Variants in GLCCI1 observed in about 807,000 individuals in gnomAD.
The protein encoded by GLCCI1 is glucocorticoid-induced transcript 1 protein.
A neutral mutation model predicts 52.2 loss-of-function variants in GLCCI1; 24 were observed. The ratio of observed to expected loss-of-function variants is 0.46; its 90% CI spans 0.33 to 0.65. The LOEUF (loss-of-function observed/expected upper bound fraction) is 0.65. GLCCI1 is among the 30% of genes least tolerant of loss of function. GLCCI1 has a pLI of 0.02. For synonymous variants in GLCCI1, 310 were observed against 276.5 expected, an observed-to-expected ratio of 1.12 and a Z score of -1.20; for missense variants, 704 against 701.5, an observed-to-expected ratio of 1.00 and a Z score of -0.04.
chr7:7,980,790 ATT>A, intron 1 of GLCCI1: 1 of 693,272 alleles, frequency 1.4e-6, no homozygotes, highest in South Asian at 1.6e-5. Context: ...GACAGAAGGC[ATT>A]GACATAATTA....
rs35255634 is a variant in GLCCI1, at chr7:7,976,479, C to CAAAAAAAAAAAAAAAAAA, written c.457+6674_457+6691dup. Among the ~76,000 whole-genome samples, 39 of 24,662 alleles carry CAAAAAAAAAAAAAAAAAA rather than the reference C, an allele frequency of 1.6e-3. 1 individual carries two copies. Among genetic ancestry groups the CAAAAAAAAAAAAAAAAAA allele is most frequent in the African/African-American group, 3.6e-3 (18 of 5,018 alleles). The allele number at this position is 24,662 out of a possible 152,430, so 16.2% of individuals were successfully genotyped here. ...GGGCAACAAGAGTGAAACTCCATCTCAAAAAAAAAAAAAAAAAAAGGAAAG... is the reference window on the plus strand; with the variant it reads ...GGGCAACAAGAGTGAAACTCCATCTCAAAAAAAAAAAAAAAAAAAAAAAAAAAAAAAAAAAAAGGAAAG... On this transcript the variant is annotated intron_variant, in intron 1 of 7. Transcript: ENST00000223145.
intron 4 of GLCCI1, among the ~76,000 whole-genome samples, chr7:8,059,447 T>C (rs986871178): frequency 4.6e-5 from 7 of 152,214 alleles, no homozygotes; most frequent in Non-Finnish European, 1.0e-4. Context: ...TATTTCTTTC[T>C]TGTTGTATAA....
At chr7:8,085,148 G>T in intron 7 of GLCCI1, 131 bp downstream of exon 7, 1 of 966,782 alleles carries the variant, frequency 1.0e-6, no homozygotes, top group Non-Finnish European at 1.5e-6. Context: ...TATGTAAAGA[G>T]AATTGAATAG....
rs1194944905 is a variant in GLCCI1 at position 8,088,131 on chromosome 7, C to T, written c.*1593C>T. ...AACGTTTCAGTTCCTTTCATTCATT[C>T]CTGGGTTTTTCTTTTATTTTCTAAG... On this transcript the variant is annotated 3_prime_UTR_variant, in exon 8 of 8. Coordinates refer to ENST00000223145, the MANE Select transcript of GLCCI1 (RefSeq NM_138426.4). The T allele has an allele frequency of 6.6e-6, 1 of 151,942 alleles. No homozygotes were observed. The highest frequency in any genetic ancestry group is 2.4e-5 in the African/African-American group (1 of 41,352). 9.4% of individuals were successfully genotyped at this position (151,942 alleles called of 1,614,324 possible). A position where few individuals can be genotyped will look rare whatever the true frequency, so the allele number is the denominator to read the frequency against.
At chr7:8,057,266 T>A (rs1199833213) in intron 4 of GLCCI1, among the ~76,000 whole-genome samples, 1 of 152,042 alleles carries the variant, frequency 6.6e-6, no homozygotes, top group Non-Finnish European at 1.5e-5. Flanking sequence ...TCAGAGGCGT[T>A]ATTCATAATA....
rs1351063332 is a variant in GLCCI1 at position 8,073,264 on chromosome 7, TGTTA to T, written c.1177+2137_1177+2140del. On this transcript the variant is annotated intron_variant, in intron 6 of 7. Coordinates refer to ENST00000223145, the MANE Select transcript of GLCCI1 (RefSeq NM_138426.4). Reference sequence around the variant, plus strand: ...AAAAATAGTCACCTTTATTATCACCTGTTAGTTTCCCTAATCCTTTCAGGAAAAA... The same window carrying T: ...AAAAATAGTCACCTTTATTATCACCTGTTTCCCTAATCCTTTCAGGAAAAA... Among the ~76,000 whole-genome samples, 23 of 152,306 alleles carry T rather than the reference TGTTA, an allele frequency of 1.5e-4. No individual in the cohort carries two copies. In the East Asian group the frequency reaches 4.4e-3, roughly 29 times the overall value.
intron 3 of GLCCI1, among the ~76,000 whole-genome samples, chr7:8,046,040 A>G (rs1782117074): frequency 6.6e-6 from 1 of 152,166 alleles, no homozygotes; most frequent in South Asian, 2.1e-4. Flanking sequence ...AGTAAATAAG[A>G]ACAGGTGGAA....
chr7:8,040,583 A>G (rs977037705), intron 3 of GLCCI1, among the ~76,000 whole-genome samples: 1 of 151,148 alleles, frequency 6.6e-6, no homozygotes, highest in East Asian at 1.9e-4. Context: ...TAAAAGACGG[A>G]TTAATTGCAA....
At chr7:8,054,331 T>G (rs573470456) in intron 3 of GLCCI1, among the ~76,000 whole-genome samples, 1 of 152,258 alleles carries the variant, frequency 6.6e-6, no homozygotes, top group South Asian at 2.1e-4. Context: ...CACATAATCT[T>G]ATTTGTGTAT....
intron 1 of GLCCI1, among the ~76,000 whole-genome samples, chr7:8,001,485 G>A (rs1210773893): frequency 1.3e-5 from 2 of 152,182 alleles, no homozygotes; most frequent in African/African-American, 4.8e-5. Flanking sequence ...GGAGAAACAA[G>A]AATGCTTTTA....
chr7:8,078,044 C>G (rs1047929630), intron 6 of GLCCI1, among the ~76,000 whole-genome samples: 2 of 151,784 alleles, frequency 1.3e-5, no homozygotes, highest in East Asian at 1.9e-4. Flanking sequence ...ACCATCCTGG[C>G]TAACACGGTG....
intron 1 of GLCCI1, among the ~76,000 whole-genome samples, chr7:7,993,574 C>T (rs1275270403): frequency 6.6e-6 from 1 of 152,174 alleles, no homozygotes; most frequent in East Asian, 1.9e-4. Flanking sequence ...TGGCCCTTTA[C>T]ATTTACCCAT....
chr7:8,004,273 A>G, intron 2 of GLCCI1: 1 of 478,172 alleles, frequency 2.1e-6, no homozygotes, highest in Non-Finnish European at 3.7e-6. Context: ...CTTAAATAGC[A>G]CATCAGTCTA....
intron 3 of GLCCI1, among the ~76,000 whole-genome samples, chr7:8,036,039 A>G (rs559441243): frequency 8.5e-5 from 13 of 152,270 alleles, no homozygotes; most frequent in Non-Finnish European, 1.9e-4. Context: ...AGATCCTTCC[A>G]GTAAACAAAG....
At chr7:8,050,556 C>G (rs946359820) in intron 3 of GLCCI1, among the ~76,000 whole-genome samples, 3 of 152,110 alleles carry the variant, frequency 2.0e-5, no homozygotes, top group Non-Finnish European at 4.4e-5. Context: ...AAGAGATTAA[C>G]AGCTTGAGAT....
chr7:8,045,932 T>C (rs1380562989), intron 3 of GLCCI1, among the ~76,000 whole-genome samples: 1 of 150,158 alleles, frequency 6.7e-6, no homozygotes, highest in Non-Finnish European at 1.5e-5. Context: ...CTCATTTACA[T>C]CTGAGGAAAT....
rs61377819 is a variant in GLCCI1, at chr7:8,061,657, CTTTTTTTTTT to C, written c.966+1427_966+1436del. 3.5e-3 allele frequency among the ~76,000 whole-genome samples: 277 copies of C among 78,392 alleles called. 2 individuals are homozygous for C. Among genetic ancestry groups the C allele is most frequent in the African/African-American group, 0.014 (262 of 18,126 alleles). The allele number at this position is 78,392 out of a possible 152,430, so 51.4% of individuals were successfully genotyped here. ...TGGCATCTCTGTTTACCATTGAACT[CTTTTTTTTTT>C]TTTTTTTTTTTTTTTTTGAGACAGG... On this transcript the variant is annotated intron_variant, in intron 5 of 7. Coordinates refer to ENST00000223145, the MANE Select transcript of GLCCI1 (RefSeq NM_138426.4).
chr7:8,035,779 A>T (rs549901057), intron 3 of GLCCI1, among the ~76,000 whole-genome samples: 2 of 152,258 alleles, frequency 1.3e-5, no homozygotes, highest in African/African-American at 4.8e-5. Flanking sequence ...TGTGACAGGG[A>T]AGCAAATCAT....
intron 1 of GLCCI1, among the ~76,000 whole-genome samples, chr7:7,975,605 T>C (rs1780447162): frequency 6.6e-6 from 1 of 152,232 alleles, no homozygotes; most frequent in Non-Finnish European, 1.5e-5. Context: ...GAATTGGTTT[T>C]CTTTTGTTTC....
Sources: gnomAD v4.1 joint callset for allele counts (sites outside exome capture counted in the v4.1 genomes callset) on GRCh38, gnomAD v4.1.1 for gene constraint, MANE v1.5 for transcripts, NCBI Gene and HGNC (gene_info 2026-07-23, HGNC 2026-07-21) for gene names.